UNC5A: variants seen among roughly 807,000 people sequenced by gnomAD.
UNC5A encodes the protein netrin receptor UNC5A.
UNC5A carries 20 observed loss-of-function variants against 87.4 expected under a neutral mutation model. The ratio of observed to expected loss-of-function variants is 0.23; its 90% confidence interval spans 0.16 to 0.33. The LOEUF is 0.33. Among genes scored for constraint, UNC5A ranks in the 10% least tolerant of loss-of-function variants. The pLI, the probability that UNC5A is intolerant of heterozygous loss-of-function variation, is 1.00. For synonymous variants in UNC5A, 438 were observed against 482.3 expected (o/e 0.91, Z 1.20); for missense variants, 844 against 1,133.4 (o/e 0.74, Z 3.67).
intron 11 of UNC5A, 40 bp from the exon 12 acceptor site, chr5:176,878,204 A>C: frequency 1.9e-6 from 3 of 1,603,960 alleles, no homozygotes; most frequent in Admixed American, 1.7e-5. Flanking sequence ...CCTTGGGCGC[A>C]GTGGGGAGGG....
At chr5:176,864,754 T>G (rs1243665886) in intron 2 of UNC5A, 5 of 447,284 alleles carry the variant, frequency 1.1e-5, no homozygotes, top group African/African-American at 1.0e-4. Context: ...TGCCATGCCT[T>G]GGGTTAGGTA....
chr5:176,815,401 C>T (rs1756563684), intron 1 of UNC5A, among the ~76,000 whole-genome samples: 2 of 152,176 alleles, frequency 1.3e-5, no homozygotes. Context: ...GTATTCTTGC[C>T]AGGTGAAGCA....
chr5:176,857,549 G>A (rs964998867), intron 1 of UNC5A, among the ~76,000 whole-genome samples: 19 of 151,804 alleles, frequency 1.3e-4, no homozygotes, highest in African/African-American at 4.4e-4. Context: ...ACACACACAC[G>A]CCTTGCCCCT....
At chr5:176,830,813 T>G (rs7443043) in intron 1 of UNC5A, among the ~76,000 whole-genome samples, 1 of 144,894 alleles carries the variant, frequency 6.9e-6, no homozygotes, top group Non-Finnish European at 1.5e-5. Flanking sequence ...TGTGTGCGTG[T>G]GTGTGCGCTG....
At chr5:176,825,684 C>T (rs758451087) in intron 1 of UNC5A, among the ~76,000 whole-genome samples, 1 of 152,168 alleles carries the variant, frequency 6.6e-6, no homozygotes, top group Non-Finnish European at 1.5e-5. Context: ...AGGTGAGTGA[C>T]GTGCCCACAT....
chr5:176,833,688 G>A (rs1359546938), intron 1 of UNC5A, among the ~76,000 whole-genome samples: 11 of 151,738 alleles, frequency 7.2e-5, no homozygotes, highest in African/African-American at 2.7e-4. Context: ...CAGTCACACA[G>A]CCTCTTTTTT....
chr5:176,843,449 G>C (rs1261598660), intron 1 of UNC5A, among the ~76,000 whole-genome samples: 4 of 152,204 alleles, frequency 2.6e-5, no homozygotes, highest in African/African-American at 9.7e-5. Context: ...GGGGTTGGGA[G>C]GGGGGATTGG....
chr5:176,825,753 C>A (rs1390134769), intron 1 of UNC5A, among the ~76,000 whole-genome samples: 1 of 152,170 alleles, frequency 6.6e-6, no homozygotes, highest in African/African-American at 2.4e-5. Context: ...GCAAAATGGG[C>A]AGAAGGTCCA....
rs11743121 is a variant in UNC5A, at chr5:176,866,099, C to A, written c.293-2031C>A. Among the ~76,000 whole-genome samples, 1,833 of 152,308 alleles carry A rather than the reference C, an allele frequency of 0.012. 7 individuals carry two copies. The highest frequency in any genetic ancestry group is 0.022 in the Non-Finnish European group (1,468 of 68,014). ...GGCAGCCCAGGTTCACACACACACC[C>A]GCCCAGGCCCACTGGCCCGGGGTCC... is the stretch of plus-strand genomic sequence containing the variant. On this transcript the variant is annotated intron_variant, in intron 2 of 14. Transcript: ENST00000329542. This position sits in a 1 kb window ranked among gnomAD's most constrained non-coding sequence, Gnocchi z 5.0.
rs757041992 is a variant in UNC5A, at chr5:176,870,523, T to C, written c.875T>C (p.Leu292Pro). 6.9e-6 allele frequency: 11 copies of C among 1,597,824 alleles called. No individual in the cohort carries two copies. The South Asian group carries it at 1.2e-4, about 18-fold the overall frequency. ...GACACCCGCAACTGTACCAGTGACCTCTGTGTACACAGTGAGTCCTCTCTG... is the reference window on the plus strand; with the variant it reads ...GACACCCGCAACTGTACCAGTGACCCCTGTGTACACAGTGAGTCCTCTCTG... ...DLDTRNCTSD[L>P]CVHTASGPED... The change falls in exon 6 of 15, where the codon CTC (leucine) becomes CCC (proline). Residue 292 changes from leucine to proline, a missense_variant. Physicochemically the swap from Leu to Pro is moderately conservative, Grantham distance 98. Transcript: ENST00000329542.
At position 176,841,235 on chromosome 5, in the gene UNC5A, G is replaced by T. The variant is rs1295880213; in HGVS notation, c.71-21389G>T. Among the ~76,000 whole-genome samples the T allele has an allele frequency of 1.3e-5, 2 of 152,248 alleles. No individual in the cohort carries two copies. Among genetic ancestry groups the T allele is most frequent in the Non-Finnish European group, 2.9e-5 (2 of 68,046 alleles). ...TTTATTTCCTTTGAGCCACAGAGCT[G>T]CTCAGTGACACAGGTGATTGTGGGT... On this transcript the variant is annotated intron_variant, in intron 1 of 14. Coordinates refer to ENST00000329542, the MANE Select transcript of UNC5A (RefSeq NM_133369.3). This position sits in a 1 kb window ranked among gnomAD's most constrained non-coding sequence, Gnocchi z 4.1.
chr5:176,865,694 A>G lies in UNC5A; in HGVS notation c.293-2436A>G. ...CACGCCGCCAAAGACCAAAGACCCC[A>G]AACCAGAAACGTTCTGTGGTCAGAC... On this transcript the variant is annotated intron_variant, in intron 2 of 14. Coordinates refer to ENST00000329542, the MANE Select transcript of UNC5A (RefSeq NM_133369.3). The surrounding 1 kb of genome is among the most constrained non-coding windows in gnomAD (Gnocchi z 5.3). 2.2e-6 allele frequency: 1 copy of G among 456,618 alleles called. No individual in the cohort carries two copies. The allele number at this position is 456,618 out of a possible 1,614,324, so 28.3% of individuals were successfully genotyped here. A position where few individuals can be genotyped will look rare whatever the true frequency, so the allele number is the denominator to read the frequency against.
intron 1 of UNC5A, among the ~76,000 whole-genome samples, chr5:176,813,185 G>A (rs1337098276): frequency 2.6e-5 from 4 of 152,160 alleles, no homozygotes; most frequent in East Asian, 3.9e-4. Flanking sequence ...CTCAAACCCC[G>A]TCACGCAGCT....
chr5:176,845,758 G>A (rs1757388677), intron 1 of UNC5A, among the ~76,000 whole-genome samples: 1 of 152,232 alleles, frequency 6.6e-6, no homozygotes, highest in Non-Finnish European at 1.5e-5. Context: ...GCACTACAGT[G>A]CAACAGGGCA....
chr5:176,878,695 C>T, intron 13 of UNC5A, 56 bp downstream of exon 13: 1 of 1,566,986 alleles, frequency 6.4e-7, no homozygotes, highest in Non-Finnish European at 8.7e-7. Flanking sequence ...CAACTCCCCA[C>T]CAGCCCCCAA....
intron 1 of UNC5A, among the ~76,000 whole-genome samples, chr5:176,827,125 G>A (rs1443046277): frequency 6.7e-6 from 1 of 149,890 alleles, no homozygotes; most frequent in Non-Finnish European, 1.5e-5. Context: ...TTAGCATAAT[G>A]TGCTCCAGGT....
chr5:176,852,975 G>A (rs540330098), intron 1 of UNC5A, among the ~76,000 whole-genome samples: 1 of 152,360 alleles, frequency 6.6e-6, no homozygotes, highest in East Asian at 1.9e-4. Flanking sequence ...CAGGCGTGAG[G>A]AGGAAAACAG....
At chr5:176,852,261 A>ACACACAGAAACACACATACAC (rs952377354) in intron 1 of UNC5A, among the ~76,000 whole-genome samples, 7 of 151,970 alleles carry the variant, frequency 4.6e-5, no homozygotes, top group South Asian at 2.1e-4. Flanking sequence ...CACACACCAC[A>ACACACAGAAACACACATACAC]CACACAGAAA....
Position 176,874,862 on chromosome 5 carries a change from A to G in UNC5A, c.1378+296A>G, listed in dbSNP as rs1223743614. On this transcript the variant is annotated intron_variant, in intron 8 of 14. Transcript: ENST00000329542. This position sits in a 1 kb window ranked among gnomAD's most constrained non-coding sequence, Gnocchi z 7.6. ...AGAGGTAGGGCAAGCCCCGGCCCCA[A>G]GGAGCTTGCAACTGAGCAGGGAGAC... Among the ~76,000 whole-genome samples the G allele has an allele frequency of 6.6e-6, 1 of 152,200 alleles. No homozygotes were observed. The highest frequency in any genetic ancestry group is 2.4e-5 in the African/African-American group (1 of 41,454).
Sources: allele counts gnomAD v4.1 joint callset (sites outside exome capture counted in the v4.1 genomes callset), GRCh38; gene constraint gnomAD v4.1.1; non-coding constraint Gnocchi (gnomAD v3.1); transcripts MANE v1.5; gene names NCBI Gene and HGNC (gene_info 2026-07-23, HGNC 2026-07-21).